PRC1: variants seen among roughly 807,000 people sequenced by gnomAD.
PRC1 encodes anaphase spindle elongation 1 homolog.
In PRC1, 54 loss-of-function variants were observed where a neutral mutation model predicts 91.2. The ratio of observed to expected loss-of-function variants is 0.59; its 90% CI spans 0.48 to 0.74. The LOEUF (loss-of-function observed/expected upper bound fraction) is 0.74, where lower values mean the gene tolerates loss of function less well. Ranked by LOEUF, PRC1 falls within the 30% of genes least tolerant of loss-of-function variation. The pLI, the probability that PRC1 is intolerant of heterozygous loss-of-function variation, is 0.00. For missense variants in PRC1, 727 were observed against 746.2 expected, an observed-to-expected ratio of 0.97 and a Z score of 0.30; for synonymous variants, 275 against 263.6, an observed-to-expected ratio of 1.04 and a Z score of -0.42.
At chr15:90,981,272 A>G (rs945657074) in intron 5 of PRC1, 1 of 686,336 alleles carries the variant, frequency 1.5e-6, no homozygotes, top group Non-Finnish European at 2.4e-6. Context: ...TCTAATTCAA[A>G]TGACTAATAT....
At chr15:90,972,203 AAC>A (rs1200956815) in intron 11 of PRC1, among the ~76,000 whole-genome samples, 2 of 143,688 alleles carry the variant, frequency 1.4e-5, no homozygotes, top group South Asian at 2.3e-4. Context: ...AAAAAAAAAA[AAC>A]ACCACCAACA....
intron 1 of PRC1, among the ~76,000 whole-genome samples, chr15:90,994,048 G>A (rs1184571021): frequency 6.6e-6 from 1 of 152,300 alleles, no homozygotes; most frequent in South Asian, 2.1e-4. Flanking sequence ...GACGCTGCGG[G>A]CGGGGAGGGT....
chr15:90,985,559 A>T (rs866383226), intron 1 of PRC1, among the ~76,000 whole-genome samples: 10 of 108,588 alleles, frequency 9.2e-5, no homozygotes, highest in Admixed American at 1.8e-4. Context: ...ATTTATTTTT[A>T]TTTTCTTTTT....
chr15:90,971,277 C>T (rs937051867), intron 11 of PRC1, among the ~76,000 whole-genome samples: 1 of 152,148 alleles, frequency 6.6e-6, no homozygotes, highest in Non-Finnish European at 1.5e-5. Context: ...TTATTATATG[C>T]TAATGATAAG....
Position 90,984,552 on chromosome 15 carries a change from TCAAAACCAAACCAAACCAAACAGGAAGAG to T in PRC1, c.144+112_144+140del. Reference sequence around the variant, plus strand: ...CCTCCTCAAATTTCAAGAAGGGACTTCAAAACCAAACCAAACCAAACAGGAAGAGCCTGTGCTATCCTAATGCCGATGAT... The same window carrying T: ...CCTCCTCAAATTTCAAGAAGGGACTTCCTGTGCTATCCTAATGCCGATGAT... On this transcript the variant is annotated intron_variant, in intron 2 of 14. Transcript: ENST00000394249. This position sits in a 1 kb window ranked among gnomAD's most constrained non-coding sequence, Gnocchi z 5.1. 1 of 1,352,022 alleles carries T rather than the reference TCAAAACCAAACCAAACCAAACAGGAAGAG, an allele frequency of 7.4e-7. No individual in the cohort carries two copies. Among genetic ancestry groups the T allele is most frequent in the Non-Finnish European group, 1.0e-6 (1 of 993,330 alleles). 83.8% of individuals were successfully genotyped at this position (1,352,022 alleles called of 1,614,324 possible). A position where few individuals can be genotyped will look rare whatever the true frequency, so the allele number is the denominator to read the frequency against.
chr15:90,981,943 A>G lies in PRC1; in HGVS notation c.306T>C (p.Asp102=), dbSNP rs1290576764. 6.2e-7 allele frequency: 1 copy of G among 1,614,124 alleles called. No individual in the cohort carries two copies. Among genetic ancestry groups the G allele is most frequent in the East Asian group, 2.2e-5 (1 of 44,882 alleles). ...GETTILQLEK[D]LRTQVELMRK... ...GCATCAATTCCACTTGGGTGCGCAA[A>G]TCTTTTTCTAGTTGCAAGATGGTCG... The change falls in exon 4 of 15, where the codon GAT becomes GAC. Residue 102 remains aspartate, a synonymous_variant. Coordinates refer to ENST00000394249, the MANE Select transcript of PRC1 (RefSeq NM_003981.4).
rs2040096708 is a variant in PRC1 at position 90,993,362 on chromosome 15, AG to A, written c.11+1044del. Reference sequence around the variant, plus strand: ...AAGCTGGGGGTACAGGCGCGCCACCAGGGCCAGATAATTTTTGTATTTTTAG... The same window carrying A: ...AAGCTGGGGGTACAGGCGCGCCACCAGGCCAGATAATTTTTGTATTTTTAG... On this transcript the variant is annotated intron_variant, in intron 1 of 14. Coordinates refer to ENST00000394249, the MANE Select transcript of PRC1 (RefSeq NM_003981.4). Among the ~76,000 whole-genome samples, 3 of 152,008 alleles carry A rather than the reference AG, an allele frequency of 2.0e-5. No individual in the cohort carries two copies. The South Asian group carries it at 6.2e-4, about 32-fold the overall frequency.
Position 90,984,074 on chromosome 15 carries a change from C to T in PRC1, c.211G>A (p.Val71Ile), listed in dbSNP as rs762586660. 5.0e-6 allele frequency: 8 copies of T among 1,614,090 alleles called. No homozygotes were observed. The highest frequency in any genetic ancestry group is 3.3e-5 in the South Asian group (3 of 91,080). The change falls in exon 3 of 15, where the codon GTC (valine) becomes ATC (isoleucine). Residue 71 changes from valine to isoleucine, a missense_variant. Val to Ile is a conservative substitution (Grantham distance 29). Transcript: ENST00000394249. The surrounding 1 kb of genome is among the most constrained non-coding windows in gnomAD (Gnocchi z 5.1). The part of the protein sequence containing the change: ...LKERLIKSIS[V>I]CQKELNTLCS... ...AGAGTGTTCAGCTCTTTCTGACAGA[C>T]GGATATGCTTTTGATGAGTCTTTCC...
Position 90,966,400 on chromosome 15 carries a change from G to A in PRC1, c.*731C>T. The A allele has an allele frequency of 2.9e-6, 1 of 342,406 alleles. No homozygotes were observed. 21.2% of individuals were successfully genotyped at this position (342,406 alleles called of 1,614,324 possible). Reference sequence around the variant, plus strand: ...ACTCCCAATGTGGCTGGCAACTGCGGGGGTAGAAGAACTCAGGCAAAGTAG... The same window carrying A: ...ACTCCCAATGTGGCTGGCAACTGCGAGGGTAGAAGAACTCAGGCAAAGTAG... On this transcript the variant is annotated 3_prime_UTR_variant, in exon 15 of 15. Transcript: ENST00000394249.
chr15:90,990,724 C>T (rs2039929895), intron 1 of PRC1, among the ~76,000 whole-genome samples: 1 of 151,926 alleles, frequency 6.6e-6, no homozygotes, highest in Admixed American at 6.6e-5. Context: ...TGGATTATAC[C>T]TCAAAGCTGT....
intron 11 of PRC1, among the ~76,000 whole-genome samples, chr15:90,970,813 A>T (rs1567181252): frequency 6.6e-6 from 1 of 152,230 alleles, no homozygotes; most frequent in Non-Finnish European, 1.5e-5. Context: ...AACGAAATGA[A>T]AGCATAGATC....
In PRC1 at chr15:90,974,136, C is replaced by T. The variant is rs769755548; in HGVS notation, c.1461G>A (p.Lys487=). The change falls in exon 11 of 15, where the codon AAG becomes AAA. Residue 487 remains lysine (K), a splice_region_variant and synonymous_variant. Coordinates refer to ENST00000394249, the MANE Select transcript of PRC1 (RefSeq NM_003981.4). This position sits in a 1 kb window ranked among gnomAD's most constrained non-coding sequence, Gnocchi z 4.6. ...LAPNTPGKAR[K]LNTTTMSNAT... is the part of the protein sequence containing the mutation. ...GTGTTTCCCTAAGCCTTGTGTTTAC[C>T]TTACGTGCTTTGCCCGGTGTATTGG... 1 of 1,613,080 alleles carries T rather than the reference C, an allele frequency of 6.2e-7. No individual in the cohort carries two copies. Among genetic ancestry groups the T allele is most frequent in the Non-Finnish European group, 8.5e-7 (1 of 1,179,010 alleles).
intron 1 of PRC1, among the ~76,000 whole-genome samples, chr15:90,986,455 T>C (rs140962512): frequency 6.6e-6 from 1 of 152,252 alleles, no homozygotes; most frequent in Non-Finnish European, 1.5e-5. Context: ...AAACCCTGTC[T>C]CTACTAAAAA....
At chr15:90,969,976 A>G (rs1203398777) in intron 12 of PRC1, among the ~76,000 whole-genome samples, 1 of 152,094 alleles carries the variant, frequency 6.6e-6, no homozygotes, top group Non-Finnish European at 1.5e-5. Flanking sequence ...TCTTGAGCAT[A>G]GTCTAATAAA....
chr15:90,973,372 A>G (rs764870160), intron 11 of PRC1, among the ~76,000 whole-genome samples: 9 of 152,196 alleles, frequency 5.9e-5, no homozygotes, highest in Non-Finnish European at 1.2e-4. Context: ...TTCTCGATTA[A>G]CCAGGGGCAC....
chr15:90,971,585 ACTTT>A (rs1384707920), intron 11 of PRC1, among the ~76,000 whole-genome samples: 14 of 124,964 alleles, frequency 1.1e-4, no homozygotes, highest in Non-Finnish European at 2.0e-4. Context: ...CCCAGCCAAC[ACTTT>A]TTTTTTTTTT....
At chr15:90,976,986 C>T (rs1286238221) in intron 8 of PRC1, among the ~76,000 whole-genome samples, 4 of 152,006 alleles carry the variant, frequency 2.6e-5, no homozygotes, top group South Asian at 2.1e-4. Context: ...AAAAAATTAG[C>T]GAGCATGACG....
Position 90,982,063 on chromosome 15 carries a change from G to A in PRC1, c.268-82C>T, listed in dbSNP as rs544222263. On this transcript the variant is annotated intron_variant, in intron 3 of 14. Coordinates refer to ENST00000394249, the MANE Select transcript of PRC1 (RefSeq NM_003981.4). ...GAGAAGGACAACATAAGAAGGCGTGGATGACAGACTTTCAGTTAAACTAAC... is the reference window on the plus strand; with the variant it reads ...GAGAAGGACAACATAAGAAGGCGTGAATGACAGACTTTCAGTTAAACTAAC... 169 of 1,268,850 alleles carry A rather than the reference G, an allele frequency of 1.3e-4. 1 individual carries two copies. The highest frequency in any genetic ancestry group is 9.3e-4 in the South Asian group (69 of 74,558). 78.6% of individuals were successfully genotyped at this position (1,268,850 alleles called of 1,614,324 possible). A position where few individuals can be genotyped will look rare whatever the true frequency, so the allele number is the denominator to read the frequency against.
chr15:90,981,000 A>G lies in PRC1; in HGVS notation c.706T>C (p.Cys236Arg), dbSNP rs2039150376. 1.2e-6 allele frequency: 2 copies of G among 1,614,158 alleles called. No homozygotes were observed. Among genetic ancestry groups the G allele is most frequent in the South Asian group, 2.2e-5 (2 of 91,082 alleles). Reference sequence around the variant, plus strand: ...CGGATTTGAGTACGCAGCCCCTCACACACTGCTTCATTTTGTGATTTCTGC... The same window carrying G: ...CGGATTTGAGTACGCAGCCCCTCACGCACTGCTTCATTTTGTGATTTCTGC... ...EMQKSQNEAV[C>R]EGLRTQIREL... is the part of the protein sequence containing the mutation. Residue 236 changes from cysteine to arginine, a missense_variant, in exon 6 of 15, where the codon TGT becomes CGT. Coordinates refer to ENST00000394249, the MANE Select transcript of PRC1 (RefSeq NM_003981.4).
Sources: gnomAD v4.1 joint callset for allele counts (sites outside exome capture counted in the v4.1 genomes callset) on GRCh38, gnomAD v4.1.1 for gene constraint, Gnocchi (gnomAD v3.1) non-coding constraint, MANE v1.5 for transcripts, NCBI Gene and HGNC (gene_info 2026-07-23, HGNC 2026-07-21) for gene names.